Variants in IDH2 observed in about 807,000 individuals in gnomAD.
IDH2 encodes the protein isocitrate dehydrogenase [NADP], mitochondrial.
IDH2 carries 18 observed loss-of-function variants against 50.5 expected under a neutral mutation model. The ratio of observed to expected loss-of-function variants is 0.36; its 90% confidence interval spans 0.25 to 0.53. The LOEUF is 0.53. Ranked by LOEUF, IDH2 falls within the 20% of genes least tolerant of loss-of-function variation. The pLI is 0.92. For missense variants in IDH2, 518 were observed against 610.7 expected, an observed-to-expected ratio of 0.85 and a Z score of 1.60; for synonymous variants, 280 against 239.8, an observed-to-expected ratio of 1.17 and a Z score of -1.55.
intron 1 of IDH2, 64 bp downstream of exon 1, chr15:90,102,212 C>G: frequency 1.4e-6 from 1 of 697,946 alleles, no homozygotes; most frequent in Non-Finnish European, 2.0e-6. Context: ...CGGCCCCAGC[C>G]TGGGAAGCCG....
At chr15:90,094,803 G>A (rs901910079) in intron 1 of IDH2, among the ~76,000 whole-genome samples, 1 of 152,208 alleles carries the variant, frequency 6.6e-6, no homozygotes, top group African/African-American at 2.4e-5. Context: ...CGAGGAGGCT[G>A]AGGCAGGAGA....
At chr15:90,099,517 G>C (rs968802759) in intron 1 of IDH2, among the ~76,000 whole-genome samples, 2 of 152,220 alleles carry the variant, frequency 1.3e-5, no homozygotes, top group African/African-American at 4.8e-5. Context: ...ACCCAGGCTA[G>C]AGTGCAGTGG....
At chr15:90,086,731 A>G (rs531572253) in intron 7 of IDH2, among the ~76,000 whole-genome samples, 137 of 152,176 alleles carry the variant, frequency 9.0e-4, no homozygotes, top group African/African-American at 3.1e-3. Flanking sequence ...ATTCTCTTCC[A>G]TCCATTAGGT....
Position 90,087,229 on chromosome 15 carries a change from A to G in IDH2, c.850T>C (p.Trp284Arg), listed in dbSNP as rs1445376572. The G allele has an allele frequency of 6.2e-7, 1 of 1,614,178 alleles. No homozygotes were observed. Among genetic ancestry groups the G allele is most frequent in the African/African-American group, 1.3e-5 (1 of 75,064 alleles). Residue 284 changes from tryptophan (W) to arginine (R), a missense_variant, in exon 7 of 11, where the codon TGG becomes CGG. Physicochemically the swap from Trp to Arg is moderately radical, Grantham distance 101 (BLOSUM62 -3). This residue lies in a region of IDH2 where 207 missense variants were observed against 208.6 expected (regional missense o/e 0.99). Coordinates refer to ENST00000330062, the MANE Select transcript of IDH2 (RefSeq NM_002168.4). ...TCATCAATGAGCCGGTGCTCATACC[A>G]GATCTTATTCTTGTCGAAGTCGGTC... is the stretch of plus-strand genomic sequence containing the variant. ...YKTDFDKNKI[W>R]YEHRLIDDMV...
intron 1 of IDH2, among the ~76,000 whole-genome samples, chr15:90,095,319 G>A (rs540148886): frequency 5.9e-5 from 9 of 152,256 alleles, no homozygotes; most frequent in African/African-American, 1.2e-4. Flanking sequence ...TGGGGATTTT[G>A]AACCCAATCT....
intron 3 of IDH2, among the ~76,000 whole-genome samples, chr15:90,089,999 C>T (rs1453197216): frequency 6.6e-6 from 1 of 152,206 alleles, no homozygotes; most frequent in African/African-American, 2.4e-5. Context: ...CACAATCTCT[C>T]TGCATACCTG....
At position 90,084,423 on chromosome 15, in the gene IDH2, C is replaced by T; in HGVS notation, c.1272-70G>A. On this transcript the variant is annotated intron_variant, in intron 10 of 10. Coordinates refer to ENST00000330062, the MANE Select transcript of IDH2 (RefSeq NM_002168.4). This position sits in a 1 kb window ranked among gnomAD's most constrained non-coding sequence, Gnocchi z 5.0. ...GCCAAGGCCATCAGCCAGGCCCTTC[C>T]AGGGAACAGCCTGAGCTTGGGCATC... 1 of 1,382,744 alleles carries T rather than the reference C, an allele frequency of 7.2e-7. No individual in the cohort carries two copies. Among genetic ancestry groups the T allele is most frequent in the Non-Finnish European group, 1.0e-6 (1 of 986,994 alleles). The allele number at this position is 1,382,744 out of a possible 1,614,324, so 85.7% of individuals were successfully genotyped here.
chr15:90,100,488 G>A lies in IDH2; in HGVS notation c.115+1788C>T, dbSNP rs1288985043. On this transcript the variant is annotated intron_variant, in intron 1 of 10. Coordinates refer to ENST00000330062, the MANE Select transcript of IDH2 (RefSeq NM_002168.4). The surrounding 1 kb of genome is among the most constrained non-coding windows in gnomAD (Gnocchi z 4.1). The stretch of plus-strand genomic sequence containing the variant: ...AAGGGGCAAGAATTAAGAAGTTTCT[G>A]GGTTAGGAGTGAAGGAAGGCTAGAT... The A allele has an allele frequency of 3.5e-6, 1 of 281,918 alleles. No individual in the cohort carries two copies. The highest frequency in any genetic ancestry group is 5.3e-6 in the Non-Finnish European group (1 of 186,924). 17.5% of individuals were successfully genotyped at this position (281,918 alleles called of 1,614,324 possible). A position where few individuals can be genotyped will look rare whatever the true frequency, so the allele number is the denominator to read the frequency against.
intron 5 of IDH2, 40 bp downstream of exon 5, chr15:90,088,319 C>A: frequency 1.9e-6 from 3 of 1,609,906 alleles, no homozygotes; most frequent in Non-Finnish European, 2.5e-6. Context: ...AAGAGACAAG[C>A]TGGGAGAGGA....
In IDH2 at chr15:90,102,385, G is replaced by A; in HGVS notation, c.6C>T (p.Ala2=). The A allele has an allele frequency of 1.5e-6, 2 of 1,356,624 alleles. No homozygotes were observed. Among genetic ancestry groups the A allele is most frequent in the South Asian group, 1.6e-5 (1 of 61,352 alleles). The allele number at this position is 1,356,624 out of a possible 1,614,324, so 84.0% of individuals were successfully genotyped here. The change falls in exon 1 of 11, where the codon GCC becomes GCT. Residue 2 remains alanine (A), a synonymous_variant. Coordinates refer to ENST00000330062, the MANE Select transcript of IDH2 (RefSeq NM_002168.4). ...GCGAGCGCACGACCCGCAGGTAGCC[G>A]GCCATCCCAAGCTGGAGAGCGAACG... M[A]GYLRVVRSLC...
At chr15:90,093,331 T>G (rs922520111) in intron 1 of IDH2, among the ~76,000 whole-genome samples, 4 of 152,258 alleles carry the variant, frequency 2.6e-5, no homozygotes, top group African/African-American at 9.6e-5. Context: ...ATTACTTTTG[T>G]CCAAGACTTA....
chr15:90,088,657 T>C lies in IDH2; in HGVS notation c.464A>G (p.Lys155Arg). 1 of 1,614,198 alleles carries C rather than the reference T, an allele frequency of 6.2e-7. No homozygotes were observed. The highest frequency in any genetic ancestry group is 8.5e-7 in the Non-Finnish European group (1 of 1,180,034). ...GTVFREPIIC[K>R]NIPRLVPGWT... Reference sequence around the variant, plus strand: ...GCCAGGGACTAGGCGTGGGATGTTTTTGCAGATGATGGGCTCCCGGAAGAC... The same window carrying C: ...GCCAGGGACTAGGCGTGGGATGTTTCTGCAGATGATGGGCTCCCGGAAGAC... The change falls in exon 4 of 11, where the codon AAA (lysine) becomes AGA (arginine). Residue 155 changes from lysine to arginine, a missense_variant. Coordinates refer to ENST00000330062, the MANE Select transcript of IDH2 (RefSeq NM_002168.4).
At chr15:90,101,227 G>A (rs191293119) in intron 1 of IDH2, among the ~76,000 whole-genome samples, 1 of 152,188 alleles carries the variant, frequency 6.6e-6, no homozygotes, top group Admixed American at 6.5e-5. Flanking sequence ...ACCTCCTCTG[G>A]CCAGGTCAGG....
Position 90,102,446 on chromosome 15 carries a change from T to C in IDH2, c.-56A>G, listed in dbSNP as rs1330114413. On this transcript the variant is annotated 5_prime_UTR_variant, in exon 1 of 11. Coordinates refer to ENST00000330062, the MANE Select transcript of IDH2 (RefSeq NM_002168.4). Reference sequence around the variant, plus strand: ...GAGAGGTCCGAGCGCGCGCCGCTCCTCCCGGCTGCCTGGCCGCGGGCTAAC... The same window carrying C: ...GAGAGGTCCGAGCGCGCGCCGCTCCCCCCGGCTGCCTGGCCGCGGGCTAAC... 106 of 1,019,094 alleles carry C rather than the reference T, an allele frequency of 1.0e-4. No individual in the cohort carries two copies. The highest frequency in any genetic ancestry group is 1.3e-4 in the Non-Finnish European group (103 of 798,760). The allele number at this position is 1,019,094 out of a possible 1,614,324, so 63.1% of individuals were successfully genotyped here.
intron 3 of IDH2, among the ~76,000 whole-genome samples, chr15:90,089,291 C>T (rs1900967459): frequency 1.3e-5 from 2 of 152,274 alleles, no homozygotes; most frequent in South Asian, 4.1e-4. Context: ...GAAAAATAAC[C>T]AGCCTAAGTG....
In IDH2 at chr15:90,087,581, G is replaced by T. The variant is rs1487904652; in HGVS notation, c.679-6C>A. 6 of 1,612,822 alleles carry T rather than the reference G, an allele frequency of 3.7e-6. No individual in the cohort carries two copies. In the Admixed American group the frequency reaches 8.3e-5, roughly 22 times the overall value. ...TGCGCAAAACCTGAGATGGACTGCA[G>T]GGGGAGAGACAGGGCCCTGGCGTGG... On this transcript the variant is annotated splice_region_variant and splice_polypyrimidine_tract_variant and intron_variant, in intron 5 of 10. Coordinates refer to ENST00000330062, the MANE Select transcript of IDH2 (RefSeq NM_002168.4).
intron 1 of IDH2, among the ~76,000 whole-genome samples, chr15:90,095,472 T>TTAA (rs765273651): frequency 7.0e-6 from 1 of 143,444 alleles, no homozygotes; most frequent in Non-Finnish European, 1.5e-5. Context: ...TCAAATTTGT[T>TTAA]AAAAAAAAAA....
intron 1 of IDH2, among the ~76,000 whole-genome samples, chr15:90,097,404 T>C (rs1901209311): frequency 6.6e-6 from 1 of 152,204 alleles, no homozygotes; most frequent in African/African-American, 2.4e-5. Context: ...GTTTCAGGTA[T>C]CCACTGGGGA....
chr15:90,096,297 C>CA (rs2151554504), intron 1 of IDH2, among the ~76,000 whole-genome samples: 1 of 151,880 alleles, frequency 6.6e-6, no homozygotes, highest in Non-Finnish European at 1.5e-5. Context: ...GACTCCATCT[C>CA]AAAATAAATA....
Sources: gnomAD v4.1 joint callset for allele counts (sites outside exome capture counted in the v4.1 genomes callset) on GRCh38, gnomAD v4.1.1 for gene constraint, gnomAD v4.1.1 regional missense constraint, Gnocchi (gnomAD v3.1) non-coding constraint, MANE v1.5 for transcripts, NCBI Gene and HGNC (gene_info 2026-07-23, HGNC 2026-07-21) for gene names.